Variants in ANKIB1 observed in about 807,000 individuals in gnomAD.
ANKIB1 encodes the protein ankyrin repeat and IBR domain containing 1.
ANKIB1 carries 43 observed loss-of-function variants against 122.1 expected under a neutral mutation model. The ratio of observed to expected loss-of-function variants is 0.35; its 90% CI spans 0.28 to 0.45. The LOEUF (loss-of-function observed/expected upper bound fraction) is 0.45, where lower values mean the gene tolerates loss of function less well. Among genes scored for constraint, ANKIB1 ranks in the 20% least tolerant of loss-of-function variants. The probability of loss-of-function intolerance (pLI) is 1.00; values close to 1 mark genes in which losing one functional copy is unlikely to be tolerated. For missense variants in ANKIB1, 992 were observed against 1,329.5 expected (o/e 0.75, Z 3.95); for synonymous variants, 390 against 442.0 (o/e 0.88, Z 1.48).
At chr7:92,252,866 C>A (rs940665362) in intron 1 of ANKIB1, among the ~76,000 whole-genome samples, 1 of 151,152 alleles carries the variant, frequency 6.6e-6, no homozygotes, top group African/African-American at 2.4e-5. Context: ...AGGGCTAGAG[C>A]CCTGGAATCA....
intron 9 of ANKIB1, among the ~76,000 whole-genome samples, chr7:92,357,399 G>A (rs1219912717): frequency 6.6e-6 from 1 of 151,896 alleles, no homozygotes; most frequent in East Asian, 1.9e-4. Context: ...CAGATACCAG[G>A]GACTTTAGAA....
At chr7:92,268,764 C>T (rs886269207) in intron 1 of ANKIB1, among the ~76,000 whole-genome samples, 6 of 152,244 alleles carry the variant, frequency 3.9e-5, no homozygotes, top group Admixed American at 2.0e-4. Context: ...CTGTGAGCCA[C>T]TACACTTGGC....
chr7:92,319,974 G>A (rs2131949289), intron 4 of ANKIB1: 1 of 153,490 alleles, frequency 6.5e-6, no homozygotes, highest in Non-Finnish European at 1.4e-5. Context: ...TAGGAAACCT[G>A]GAGCTATGGG....
At chr7:92,248,835 C>A (rs1022135080) in intron 1 of ANKIB1, among the ~76,000 whole-genome samples, 2 of 151,502 alleles carry the variant, frequency 1.3e-5, no homozygotes, top group Non-Finnish European at 2.9e-5. Flanking sequence ...TTTCAGATAA[C>A]CTCAGACTGC....
intron 3 of ANKIB1, among the ~76,000 whole-genome samples, chr7:92,318,229 C>A (rs1359315080): frequency 2.6e-5 from 4 of 152,014 alleles, no homozygotes; most frequent in Admixed American, 2.6e-4. Flanking sequence ...ATAAAAGAAT[C>A]CTGTGGCTGG....
chr7:92,389,905 GT>G (rs1263477499), intron 14 of ANKIB1, 65 bp from the exon 15 acceptor site: 5 of 1,469,974 alleles, frequency 3.4e-6, no homozygotes, highest in Admixed American at 2.5e-5. Context: ...AAAAATCATT[GT>G]TTAATTAATA....
intron 9 of ANKIB1, among the ~76,000 whole-genome samples, chr7:92,358,685 A>G (rs1803878003): frequency 6.6e-6 from 1 of 152,008 alleles, no homozygotes; most frequent in Non-Finnish European, 1.5e-5. Context: ...TGGATATTGA[A>G]TATGCTGTTT....
At chr7:92,266,058 C>A (rs917085446) in intron 1 of ANKIB1, among the ~76,000 whole-genome samples, 1 of 152,162 alleles carries the variant, frequency 6.6e-6, no homozygotes, top group Non-Finnish European at 1.5e-5. Flanking sequence ...GGACCTCCAA[C>A]ATTTAGACAC....
chr7:92,376,085 G>A (rs1480518646), intron 11 of ANKIB1, among the ~76,000 whole-genome samples: 4 of 152,170 alleles, frequency 2.6e-5, no homozygotes, highest in Non-Finnish European at 5.9e-5. Context: ...CAGATGGGCT[G>A]CCATCCAGGC....
chr7:92,294,199 T>C (rs1182134601), intron 1 of ANKIB1, among the ~76,000 whole-genome samples: 1 of 152,198 alleles, frequency 6.6e-6, no homozygotes, highest in Admixed American at 6.5e-5. Context: ...ATAACCTCTT[T>C]CCAGACATAG....
At chr7:92,367,775 G>A (rs777406727) in intron 10 of ANKIB1, among the ~76,000 whole-genome samples, 2 of 152,186 alleles carry the variant, frequency 1.3e-5, no homozygotes, top group African/African-American at 2.4e-5. Flanking sequence ...TATTTTTTAT[G>A]AAATGATGGT....
chr7:92,263,107 A>T (rs145704167), intron 1 of ANKIB1, among the ~76,000 whole-genome samples: 3 of 152,312 alleles, frequency 2.0e-5, no homozygotes, highest in Non-Finnish European at 4.4e-5. Flanking sequence ...GTGATTTCTT[A>T]TTGTAAAATG....
intron 11 of ANKIB1, among the ~76,000 whole-genome samples, chr7:92,382,989 G>A (rs540601672): frequency 1.8e-4 from 28 of 151,882 alleles, no homozygotes; most frequent in East Asian, 3.9e-4. Context: ...TTGATAGACC[G>A]CTAGCAAGAC....
At chr7:92,281,634 T>C (rs916837230) in intron 1 of ANKIB1, among the ~76,000 whole-genome samples, 2 of 152,236 alleles carry the variant, frequency 1.3e-5, no homozygotes, top group African/African-American at 4.8e-5. Context: ...TTTTGTACTC[T>C]GACACAATAT....
chr7:92,357,409 A>G (rs1803839269), intron 9 of ANKIB1, among the ~76,000 whole-genome samples: 1 of 152,038 alleles, frequency 6.6e-6, no homozygotes, highest in Admixed American at 6.6e-5. Flanking sequence ...GGACTTTAGA[A>G]TACTTGTCAA....
intron 11 of ANKIB1, among the ~76,000 whole-genome samples, chr7:92,377,878 G>A (rs1804419814): frequency 6.6e-6 from 1 of 151,520 alleles, no homozygotes. Context: ...ATAGTTTCAC[G>A]ATAGAATTTT....
intron 1 of ANKIB1, among the ~76,000 whole-genome samples, chr7:92,250,546 T>C (rs1318892947): frequency 6.6e-6 from 1 of 152,254 alleles, no homozygotes; most frequent in East Asian, 1.9e-4. Context: ...CCTCTAGTTC[T>C]ACAACGGGAC....
At chr7:92,308,058 G>A (rs917526078) in intron 3 of ANKIB1, among the ~76,000 whole-genome samples, 8 of 151,970 alleles carry the variant, frequency 5.3e-5, no homozygotes, top group Middle Eastern at 3.4e-3. Context: ...TTTTAGTAGA[G>A]ACGGGGTTTC....
intron 9 of ANKIB1, among the ~76,000 whole-genome samples, chr7:92,355,954 C>CA (rs1803801376): frequency 6.6e-6 from 1 of 151,620 alleles, no homozygotes; most frequent in East Asian, 1.9e-4. Flanking sequence ...TGAAACTGTG[C>CA]AAAAAAGTCT....
Sources: allele counts gnomAD v4.1 joint callset (sites outside exome capture counted in the v4.1 genomes callset), GRCh38; gene constraint gnomAD v4.1.1; transcripts MANE v1.5; gene names NCBI Gene and HGNC (gene_info 2026-07-23, HGNC 2026-07-21).